SCFD2: variants seen among roughly 807,000 people sequenced by gnomAD.
The protein encoded by SCFD2 is sec1 family domain containing 2, also known as sec1 family domain-containing protein 2.
Under a neutral mutation model 58.9 loss-of-function variants are expected in SCFD2, and 54 were observed. That is an observed-to-expected ratio of 0.92 (90% confidence interval 0.74 to 1.15). The LOEUF is 1.15. SCFD2 is among the 50% of genes most tolerant of loss of function. SCFD2 has a pLI of 0.00. For missense variants in SCFD2, 805 were observed against 836.6 expected (o/e 0.96, Z 0.47); for synonymous variants, 321 against 335.9 (o/e 0.96, Z 0.49).
intron 3 of SCFD2, among the ~76,000 whole-genome samples, chr4:53,303,545 G>T (rs1348819654): frequency 6.6e-6 from 1 of 152,100 alleles, no homozygotes; most frequent in African/African-American, 2.4e-5. Flanking sequence ...TCAGTGTGGC[G>T]ATTCCTCAGG....
rs76260551 is a variant in SCFD2, at chr4:53,022,164, T to C, written c.1562-101294A>G. On this transcript the variant is annotated intron_variant, in intron 5 of 8. Coordinates refer to ENST00000401642, the MANE Select transcript of SCFD2 (RefSeq NM_152540.4). ...GGCAAGTTGGGAAAGGAGGCTGGAC[T>C]GCAAAAGGATGTCAAATGTTAACTA... 8.9e-3 allele frequency among the ~76,000 whole-genome samples: 1,348 copies of C among 152,314 alleles called. 15 individuals are homozygous for C. The highest frequency in any genetic ancestry group is 0.031 in the African/African-American group (1,289 of 41,578).
intron 4 of SCFD2, among the ~76,000 whole-genome samples, chr4:53,197,865 T>C (rs1728107841): frequency 6.7e-6 from 1 of 150,260 alleles, no homozygotes; most frequent in African/African-American, 2.5e-5. Flanking sequence ...ATTTCAAAAA[T>C]ATGGGGTAAA....
chr4:53,018,462 G>A (rs375420636), intron 5 of SCFD2, among the ~76,000 whole-genome samples: 10 of 152,192 alleles, frequency 6.6e-5, no homozygotes, highest in African/African-American at 2.4e-4. Context: ...TGCTTGTGAC[G>A]GCAATAATCC....
intron 4 of SCFD2, among the ~76,000 whole-genome samples, chr4:53,269,285 A>G (rs1402102903): frequency 1.3e-5 from 2 of 152,232 alleles, no homozygotes; most frequent in Non-Finnish European, 2.9e-5. Context: ...TGATCATGCC[A>G]CTGCACTCAA....
chr4:53,139,857 A>G (rs1215379700), intron 5 of SCFD2, among the ~76,000 whole-genome samples: 1 of 152,240 alleles, frequency 6.6e-6, no homozygotes, highest in Non-Finnish European at 1.5e-5. Flanking sequence ...TTTGTTCTAT[A>G]CTAAGAAAAA....
intron 2 of SCFD2, among the ~76,000 whole-genome samples, chr4:53,348,281 A>C (rs568410438): frequency 6.6e-6 from 1 of 152,330 alleles, no homozygotes; most frequent in South Asian, 2.1e-4. Context: ...ATCAAAGCTT[A>C]CTGCTTTTTA....
intron 5 of SCFD2, among the ~76,000 whole-genome samples, chr4:52,923,477 C>CAGAT (rs1553908962): frequency 7.4e-6 from 1 of 134,362 alleles, no homozygotes; most frequent in Non-Finnish European, 1.6e-5. Flanking sequence ...GACTGCATCT[C>CAGAT]AAATAAATAA....
intron 4 of SCFD2, among the ~76,000 whole-genome samples, chr4:53,269,945 G>A (rs1731109104): frequency 6.6e-6 from 1 of 152,166 alleles, no homozygotes; most frequent in South Asian, 2.1e-4. Context: ...AAAATCACTT[G>A]AACTCAGGAG....
chr4:53,012,072 C>T (rs1722105271), intron 5 of SCFD2, among the ~76,000 whole-genome samples: 1 of 150,850 alleles, frequency 6.6e-6, no homozygotes, highest in South Asian at 2.1e-4. Context: ...TCCCCCTACT[C>T]CCTGCCCCAC....
chr4:53,352,536 T>C, intron 2 of SCFD2, 62 bp downstream of exon 2: 3 of 1,378,546 alleles, frequency 2.2e-6, no homozygotes, highest in Non-Finnish European at 3.0e-6. Context: ...GAATACTCAG[T>C]CTAGGAGAAA....
chr4:52,939,948 T>A (rs1017849819), intron 5 of SCFD2, among the ~76,000 whole-genome samples: 2 of 152,204 alleles, frequency 1.3e-5, no homozygotes, highest in African/African-American at 4.8e-5. Flanking sequence ...CAAGAGAAGC[T>A]CTGCTCTGCT....
At chr4:53,296,552 C>T (rs1315332088) in intron 3 of SCFD2, among the ~76,000 whole-genome samples, 6 of 151,996 alleles carry the variant, frequency 3.9e-5, no homozygotes, top group South Asian at 2.1e-4. Flanking sequence ...GTCTGCCTAG[C>T]GGTCTATCTA....
chr4:53,135,507 G>C (rs1725909560), intron 5 of SCFD2, among the ~76,000 whole-genome samples: 2 of 152,162 alleles, frequency 1.3e-5, no homozygotes, highest in Admixed American at 6.5e-5. Flanking sequence ...AGGCCGAGGT[G>C]GGCGGATCAC....
rs150582827 is a variant in SCFD2, at chr4:53,052,987, C to T, written c.1561+92346G>A. On this transcript the variant is annotated intron_variant, in intron 5 of 8. Coordinates refer to ENST00000401642, the MANE Select transcript of SCFD2 (RefSeq NM_152540.4). Reference sequence around the variant, plus strand: ...CTGTAATCCCAGCACATTGGGAGGCCGAGGTGGGTGGATCACTTGCGGTCA... The same window carrying T: ...CTGTAATCCCAGCACATTGGGAGGCTGAGGTGGGTGGATCACTTGCGGTCA... 4.0e-3 allele frequency among the ~76,000 whole-genome samples: 613 copies of T among 152,052 alleles called. 7 individuals carry two copies. The highest frequency in any genetic ancestry group is 0.02 in the Middle Eastern group (6 of 294).
intron 4 of SCFD2, among the ~76,000 whole-genome samples, chr4:53,199,423 G>T (rs1728159005): frequency 1.3e-5 from 2 of 152,052 alleles, no homozygotes; most frequent in Non-Finnish European, 1.5e-5. Flanking sequence ...TTTGGTTTTT[G>T]TTTCTGGTTC....
At chr4:52,970,770 T>C (rs575948135) in intron 5 of SCFD2, among the ~76,000 whole-genome samples, 13 of 152,104 alleles carry the variant, frequency 8.5e-5, no homozygotes, top group African/African-American at 3.1e-4. Context: ...CATCCCCCAG[T>C]AGGGGCAGAC....
At chr4:53,330,692 G>A (rs935224046) in intron 2 of SCFD2, among the ~76,000 whole-genome samples, 3 of 151,500 alleles carry the variant, frequency 2.0e-5, no homozygotes, top group African/African-American at 4.9e-5. Context: ...ATCAACTAAC[G>A]AGCAAAATCA....
At chr4:53,080,542 C>A (rs1394057651) in intron 5 of SCFD2, among the ~76,000 whole-genome samples, 1 of 152,122 alleles carries the variant, frequency 6.6e-6, no homozygotes, top group Non-Finnish European at 1.5e-5. Flanking sequence ...TCCACTTACT[C>A]CTTAAAACGA....
intron 5 of SCFD2, among the ~76,000 whole-genome samples, chr4:53,127,896 C>A (rs1186431347): frequency 6.6e-6 from 1 of 150,992 alleles, no homozygotes; most frequent in African/African-American, 2.4e-5. Flanking sequence ...TATTTGGTAA[C>A]CATTTCTAGC....
Sources: gnomAD v4.1 joint callset for allele counts (sites outside exome capture counted in the v4.1 genomes callset) on GRCh38, gnomAD v4.1.1 for gene constraint, MANE v1.5 for transcripts, NCBI Gene and HGNC (gene_info 2026-07-23, HGNC 2026-07-21) for gene names.